The following SAMD5 variants were observed in gnomAD, a reference collection of about 807,000 sequenced individuals.
The protein encoded by SAMD5 is sterile alpha motif domain containing 5.
In SAMD5, 13 loss-of-function variants were observed where a neutral mutation model predicts 11.3. The observed-to-expected ratio is 1.15, with a 90% CI of 0.75 to 1.83. The LOEUF (loss-of-function observed/expected upper bound fraction) is 1.83. Among genes scored for constraint, SAMD5 ranks in the 40% most tolerant of loss-of-function variants. The pLI is 0.00. For missense variants in SAMD5, 255 were observed against 239.1 expected (o/e 1.07, Z -0.44); for synonymous variants, 129 against 111.3 (o/e 1.16, Z -1.00).
At chr6:147,799,256 C>T in the SAMD5 span, among the ~76,000 whole-genome samples, 1 of 152,034 alleles carries the variant, frequency 6.6e-6, no homozygotes, top group Non-Finnish European at 1.5e-5. Context: ...TCTTTTAGGG[C>T]AGGCCTGGTG....
At chr6:147,830,320 A>G in the SAMD5 span, among the ~76,000 whole-genome samples, 8 of 131,148 alleles carry the variant, frequency 6.1e-5, no homozygotes, top group Non-Finnish European at 1.1e-4. Flanking sequence ...GCAGTGGTGC[A>G]ATCTTGGCTC....
At chr6:147,934,791 G>A in the SAMD5 span, among the ~76,000 whole-genome samples, 1 of 152,094 alleles carries the variant, frequency 6.6e-6, no homozygotes, top group East Asian at 1.9e-4. Flanking sequence ...GCATGAAGGG[G>A]GAAACATATT....
the SAMD5 span, chr6:147,743,036 A>G: frequency 6.6e-6 from 1 of 152,314 alleles, no homozygotes; most frequent in East Asian, 1.9e-4. Context: ...GAATTTTTAA[A>G]GAACACCATA....
chr6:147,844,751 G>T, the SAMD5 span, among the ~76,000 whole-genome samples: 1 of 151,732 alleles, frequency 6.6e-6, no homozygotes, highest in Admixed American at 6.6e-5. Context: ...AATAAGCCAG[G>T]CACAGAAAGA....
the SAMD5 span, among the ~76,000 whole-genome samples, chr6:147,768,914 C>T: frequency 6.6e-6 from 1 of 152,170 alleles, no homozygotes; most frequent in African/African-American, 2.4e-5. Context: ...CTGCCTCAGC[C>T]TCCCAAGTAG....
the SAMD5 span, among the ~76,000 whole-genome samples, chr6:147,878,544 G>A: frequency 6.8e-6 from 1 of 146,286 alleles, no homozygotes; most frequent in African/African-American, 2.6e-5. Context: ...TAGAGAAATA[G>A]GAACTATATA....
intron 1 of SAMD5, among the ~76,000 whole-genome samples, chr6:147,561,196 T>C (rs1043355967): frequency 6.6e-6 from 1 of 152,192 alleles, no homozygotes; most frequent in Non-Finnish European, 1.5e-5. Flanking sequence ...AATTTATTTA[T>C]TTATTTATTT....
rs1583134879 is a variant in SAMD5, at chr6:147,675,631, TAC to T, written c.163-61684_163-61683del. Among the ~76,000 whole-genome samples the T allele has an allele frequency of 2.6e-5, 4 of 152,354 alleles. No homozygotes were observed. In the East Asian group the frequency reaches 7.7e-4, roughly 29 times the overall value. On this transcript the variant is annotated intron_variant, in intron 1 of 1. Transcript: ENST00000566741. ...TCTGATTTATTTTAATTGAAACGTA[TAC>T]ATGGTATATGTCATTAAGGCCTCAC...
intron 1 of SAMD5, among the ~76,000 whole-genome samples, chr6:147,669,240 A>G (rs1790762479): frequency 6.6e-6 from 1 of 152,124 alleles, no homozygotes; most frequent in South Asian, 2.1e-4. Flanking sequence ...TTATCAACTA[A>G]GGTTATGGAA....
At chr6:147,920,735 A>G in the SAMD5 span, among the ~76,000 whole-genome samples, 1 of 152,232 alleles carries the variant, frequency 6.6e-6, no homozygotes, top group Non-Finnish European at 1.5e-5. Flanking sequence ...CACTTGGTTC[A>G]GAAGCCTAGT....
the SAMD5 span, among the ~76,000 whole-genome samples, chr6:147,770,451 CAG>C: frequency 3.3e-5 from 5 of 152,294 alleles, no homozygotes; most frequent in Middle Eastern, 3.4e-3. Flanking sequence ...CTCGGGAAAT[CAG>C]AGTCTTTTGC....
At chr6:147,892,540 ATC>A in the SAMD5 span, among the ~76,000 whole-genome samples, 306 of 152,302 alleles carry the variant, frequency 2.0e-3, 7 homozygotes, top group South Asian at 0.012. Flanking sequence ...TAAGTGTTAC[ATC>A]TCTACTTCTG....
the SAMD5 span, among the ~76,000 whole-genome samples, chr6:147,897,790 C>G: frequency 1.3e-5 from 2 of 151,718 alleles, no homozygotes; most frequent in Non-Finnish European, 2.9e-5. Context: ...ACTAAAAATA[C>G]AAGAAATAGC....
chr6:147,691,743 A>G (rs979710937), intron 1 of SAMD5, among the ~76,000 whole-genome samples: 10 of 152,038 alleles, frequency 6.6e-5, no homozygotes, highest in Admixed American at 5.9e-4. Context: ...CTTATTTGAG[A>G]CTCTTTTATT....
the SAMD5 span, among the ~76,000 whole-genome samples, chr6:147,841,960 C>T: frequency 6.6e-6 from 1 of 152,170 alleles, no homozygotes; most frequent in African/African-American, 2.4e-5. Flanking sequence ...AATACTGCCA[C>T]CACCTATTGA....
intron 1 of SAMD5, among the ~76,000 whole-genome samples, chr6:147,706,531 A>C (rs1236938567): frequency 1.3e-5 from 2 of 152,192 alleles, no homozygotes; most frequent in Admixed American, 6.5e-5. Flanking sequence ...CCCAGCCATG[A>C]CAAGTCTTTA....
chr6:147,798,776 G>A, the SAMD5 span, among the ~76,000 whole-genome samples: 1,159 of 152,142 alleles, frequency 7.6e-3, 18 homozygotes, highest in Middle Eastern at 0.041. Context: ...TATATATTTA[G>A]GATAGTTAGC....
intron 1 of SAMD5, among the ~76,000 whole-genome samples, chr6:147,689,047 G>T (rs970296132): frequency 4.0e-5 from 6 of 149,332 alleles, no homozygotes; most frequent in Non-Finnish European, 8.9e-5. Flanking sequence ...TTTGAAGTAG[G>T]CTCTTTTCAG....
intron 1 of SAMD5, among the ~76,000 whole-genome samples, chr6:147,717,638 T>G (rs1791486811): frequency 6.6e-6 from 1 of 152,128 alleles, no homozygotes; most frequent in Non-Finnish European, 1.5e-5. Flanking sequence ...TTTAAAACTG[T>G]CTTCCGCAAG....
Sources: allele counts gnomAD v4.1 joint callset (sites outside exome capture counted in the v4.1 genomes callset), GRCh38; gene constraint gnomAD v4.1.1; transcripts MANE v1.5; gene names NCBI Gene and HGNC (gene_info 2026-07-23, HGNC 2026-07-21).